AGBL1: variants seen among roughly 807,000 people sequenced by gnomAD.
AGBL1 encodes the protein cytosolic carboxypeptidase 4.
Under a neutral mutation model 118.9 loss-of-function variants are expected in AGBL1, and 130 were observed. The observed-to-expected ratio is 1.09, with a 90% CI of 0.95 to 1.26. The LOEUF (loss-of-function observed/expected upper bound fraction) is 1.26, where lower values mean the gene tolerates loss of function less well. Ranked by LOEUF, AGBL1 falls within the 50% of genes most tolerant of loss-of-function variation. The probability of loss-of-function intolerance (pLI) is 0.00; values close to 1 mark genes in which losing one functional copy is unlikely to be tolerated. For synonymous variants in AGBL1, 555 were observed against 478.9 expected (o/e 1.16, Z -2.08); for missense variants, 1,584 against 1,298.1 (o/e 1.22, Z -3.38).
upstream of AGBL1, chr15:86,079,855 G>A: frequency 3.0e-6 from 2 of 658,008 alleles, no homozygotes; most frequent in Non-Finnish European, 4.3e-6. Context: ...AGCATGTGCA[G>A]CTGAGGCCTC....
At chr15:86,759,995 T>C (rs1294569541) in intron 22 of AGBL1, among the ~76,000 whole-genome samples, 1 of 152,074 alleles carries the variant, frequency 6.6e-6, no homozygotes, top group African/African-American at 2.4e-5. Flanking sequence ...CAGGCTTCCA[T>C]TTATAGGAAC....
At chr15:87,002,092 T>C (rs1310517419) in intron 24 of AGBL1, among the ~76,000 whole-genome samples, 1 of 152,100 alleles carries the variant, frequency 6.6e-6, no homozygotes, top group Non-Finnish European at 1.5e-5. Flanking sequence ...GGTTTTCTTC[T>C]AGGGTTTTTA....
At chr15:86,964,964 T>C (rs2081034595) in intron 23 of AGBL1, among the ~76,000 whole-genome samples, 1 of 152,166 alleles carries the variant, frequency 6.6e-6, no homozygotes, top group Non-Finnish European at 1.5e-5. Flanking sequence ...CATGAACTCA[T>C]CCTTTTTTAC....
intron 22 of AGBL1, among the ~76,000 whole-genome samples, chr15:86,807,193 T>A (rs1309876628): frequency 6.6e-6 from 1 of 152,184 alleles, no homozygotes; most frequent in Non-Finnish European, 1.5e-5. Context: ...CATGCATTCG[T>A]TACAAGCAAG....
intron 22 of AGBL1, among the ~76,000 whole-genome samples, chr15:86,803,639 T>C (rs774867931): frequency 6.6e-6 from 1 of 152,134 alleles, no homozygotes; most frequent in Non-Finnish European, 1.5e-5. Context: ...TATGGTGATT[T>C]GGAATCTCCT....
intron 21 of AGBL1, among the ~76,000 whole-genome samples, chr15:86,554,928 A>G (rs147739825): frequency 6.6e-6 from 1 of 152,320 alleles, no homozygotes; most frequent in African/African-American, 2.4e-5. Context: ...GTCAGTGTGT[A>G]GATATTGTTG....
intron 24 of AGBL1, among the ~76,000 whole-genome samples, chr15:87,027,222 A>G (rs2081737880): frequency 6.6e-6 from 1 of 152,092 alleles, no homozygotes; most frequent in Non-Finnish European, 1.5e-5. Flanking sequence ...AATCAAAACC[A>G]CAATGAGATA....
chr15:86,271,944 C>T (rs1180398690), intron 15 of AGBL1, among the ~76,000 whole-genome samples: 1 of 152,162 alleles, frequency 6.6e-6, no homozygotes, highest in Admixed American at 6.5e-5. Context: ...TTCATTTAAA[C>T]ACATTAAAAC....
chr15:86,174,807 T>G (rs531621789), intron 5 of AGBL1, among the ~76,000 whole-genome samples: 1 of 152,296 alleles, frequency 6.6e-6, no homozygotes, highest in African/African-American at 2.4e-5. Flanking sequence ...GTTATTGATT[T>G]GTATATGTTG....
At chr15:87,003,058 T>A (rs972931620) in intron 24 of AGBL1, among the ~76,000 whole-genome samples, 1 of 152,184 alleles carries the variant, frequency 6.6e-6, no homozygotes, top group East Asian at 1.9e-4. Flanking sequence ...CTTGTGCCAG[T>A]TTTCAAAGGG....
chr15:86,126,703 C>T (rs1898454788), intron 1 of AGBL1, among the ~76,000 whole-genome samples: 1 of 152,106 alleles, frequency 6.6e-6, no homozygotes, highest in Admixed American at 6.6e-5. Flanking sequence ...ATAAAAAATA[C>T]ATTTGATTCT....
At chr15:86,149,850 A>G (rs1162885646) in intron 3 of AGBL1, among the ~76,000 whole-genome samples, 1 of 152,232 alleles carries the variant, frequency 6.6e-6, no homozygotes, top group Non-Finnish European at 1.5e-5. Context: ...CATCACATTT[A>G]TTCTAAAATA....
intron 18 of AGBL1, among the ~76,000 whole-genome samples, chr15:86,479,427 A>C (rs1250019158): frequency 6.6e-6 from 1 of 152,358 alleles, no homozygotes; most frequent in African/African-American, 2.4e-5. Flanking sequence ...AAGGATATGA[A>C]CAGACACTTC....
chr15:87,018,040 T>TATC (rs2081624352), intron 24 of AGBL1, among the ~76,000 whole-genome samples: 2 of 89,828 alleles, frequency 2.2e-5, no homozygotes, highest in African/African-American at 9.8e-5. Context: ...GCTTGAAGAA[T>TATC]ATCTTTCTAA....
chr15:86,295,449 G>T (rs747373306), intron 17 of AGBL1, 41 bp downstream of exon 17: 2 of 1,521,434 alleles, frequency 1.3e-6, no homozygotes, highest in Non-Finnish European at 1.8e-6. Flanking sequence ...ATTTGACTAA[G>T]GGTGTCCTTT....
intron 18 of AGBL1, among the ~76,000 whole-genome samples, chr15:86,488,927 G>A (rs2082745314): frequency 6.6e-6 from 1 of 151,824 alleles, no homozygotes; most frequent in East Asian, 2.0e-4. Context: ...ATCAAATTTA[G>A]TTTTCTTCTG....
chr15:86,766,354 G>C (rs1440357493), intron 22 of AGBL1, among the ~76,000 whole-genome samples: 1 of 151,756 alleles, frequency 6.6e-6, no homozygotes, highest in Non-Finnish European at 1.5e-5. Flanking sequence ...TTTAGAATTT[G>C]TTTCCTTCCG....
intron 21 of AGBL1, among the ~76,000 whole-genome samples, chr15:86,622,847 A>G (rs1029888170): frequency 6.6e-6 from 1 of 152,162 alleles, no homozygotes; most frequent in Non-Finnish European, 1.5e-5. Context: ...ACAACTCACC[A>G]TAATGTAGAA....
At chr15:86,717,034 G>A (rs2086649021) in intron 22 of AGBL1, among the ~76,000 whole-genome samples, 2 of 152,188 alleles carry the variant, frequency 1.3e-5, no homozygotes, top group Admixed American at 1.3e-4. Flanking sequence ...TCCACATGAA[G>A]TGCTTCAGGC....
Sources: allele counts gnomAD v4.1 joint callset (sites outside exome capture counted in the v4.1 genomes callset), GRCh38; gene constraint gnomAD v4.1.1; transcripts MANE v1.5; gene names NCBI Gene and HGNC (gene_info 2026-07-23, HGNC 2026-07-21).